ADAMTS12: variants seen among roughly 807,000 people sequenced by gnomAD.
ADAMTS12 encodes the protein ADAM metallopeptidase with thrombospondin type 1 motif 12, also known as A disintegrin and metalloproteinase with thrombospondin motifs 12.
In ADAMTS12, 118 loss-of-function variants were observed where a neutral mutation model predicts 167.8. The observed-to-expected ratio is 0.70, with a 90% confidence interval of 0.61 to 0.82. The LOEUF (loss-of-function observed/expected upper bound fraction) is 0.82, where lower values mean the gene tolerates loss of function less well. Ranked by LOEUF, ADAMTS12 falls within the 40% of genes least tolerant of loss-of-function variation. ADAMTS12 has a pLI of 0.00. For synonymous variants in ADAMTS12, 704 were observed against 716.9 expected (o/e 0.98, Z 0.29); for missense variants, 1,916 against 1,998.8 (o/e 0.96, Z 0.79).
intron 18 of ADAMTS12, among the ~76,000 whole-genome samples, chr5:33,580,431 C>G (rs947596439): frequency 7.0e-6 from 1 of 142,224 alleles, no homozygotes; most frequent in Non-Finnish European, 1.6e-5. Flanking sequence ...CACGGGGGAA[C>G]AGCTCCCATG....
intron 3 of ADAMTS12, among the ~76,000 whole-genome samples, chr5:33,710,027 C>T (rs1728205862): frequency 6.6e-6 from 1 of 152,092 alleles, no homozygotes. Context: ...TTAAACTCTT[C>T]GAAGCCAATT....
At chr5:33,588,901 C>T in intron 17 of ADAMTS12, 92 bp from the exon 18 acceptor site, 1 of 1,497,302 alleles carries the variant, frequency 6.7e-7, no homozygotes, top group South Asian at 1.2e-5. Flanking sequence ...AAATGCAGAT[C>T]ACAGGGCTGG....
At position 33,881,483 on chromosome 5, in the gene ADAMTS12, G is replaced by T; in HGVS notation, c.128-3C>A. 1.9e-6 allele frequency: 3 copies of T among 1,608,366 alleles called. No homozygotes were observed. In the South Asian group the frequency reaches 3.3e-5, roughly 18 times the overall value. ...TGGCAGGCCCTTGATAAAATGCTCT[G>T]AAAGAAAAGGAGAAATGGAAGAACA... On this transcript the variant is annotated splice_region_variant and splice_polypyrimidine_tract_variant and intron_variant, in intron 1 of 23. Coordinates refer to ENST00000504830, the MANE Select transcript of ADAMTS12 (RefSeq NM_030955.4).
intron 15 of ADAMTS12, among the ~76,000 whole-genome samples, chr5:33,615,076 T>C (rs2112095281): frequency 6.6e-6 from 1 of 152,332 alleles, no homozygotes; most frequent in South Asian, 2.1e-4. Context: ...ACTTATCACA[T>C]GTTTAAAATT....
At chr5:33,586,559 T>C (rs1193220794) in intron 18 of ADAMTS12, among the ~76,000 whole-genome samples, 2 of 152,218 alleles carry the variant, frequency 1.3e-5, no homozygotes, top group Non-Finnish European at 2.9e-5. Context: ...GTTACTACGC[T>C]TCCCATAAAC....
chr5:33,805,918 T>A (rs1258084489), intron 2 of ADAMTS12, among the ~76,000 whole-genome samples: 1 of 122,602 alleles, frequency 8.2e-6, no homozygotes, highest in Admixed American at 8.0e-5. Flanking sequence ...AAAAGCCACC[T>A]CTCATTTAAA....
At chr5:33,622,061 A>G (rs1169511755) in intron 14 of ADAMTS12, among the ~76,000 whole-genome samples, 6 of 152,214 alleles carry the variant, frequency 3.9e-5, no homozygotes, top group African/African-American at 1.4e-4. Flanking sequence ...AATGGAAAAC[A>G]CAAAGGCACA....
intron 22 of ADAMTS12, among the ~76,000 whole-genome samples, chr5:33,538,727 C>T (rs1304332257): frequency 2.6e-5 from 4 of 152,144 alleles, no homozygotes; most frequent in African/African-American, 7.2e-5. Flanking sequence ...TGACACCAAG[C>T]GATGGTCAGT....
intron 2 of ADAMTS12, among the ~76,000 whole-genome samples, chr5:33,756,504 GC>G (rs1185183717): frequency 1.3e-5 from 2 of 152,116 alleles, no homozygotes; most frequent in African/African-American, 4.8e-5. Context: ...GTAATACACA[GC>G]CAAAATAATA....
chr5:33,572,536 C>A (rs1579685169), intron 19 of ADAMTS12, among the ~76,000 whole-genome samples: 1 of 146,108 alleles, frequency 6.8e-6, no homozygotes, highest in East Asian at 2.0e-4. Context: ...AGGCCTTTGA[C>A]AAAATTCAAC....
At chr5:33,785,760 C>T (rs1284674837) in intron 2 of ADAMTS12, among the ~76,000 whole-genome samples, 1 of 152,174 alleles carries the variant, frequency 6.6e-6, no homozygotes, top group Non-Finnish European at 1.5e-5. Context: ...AGTTGGGCAG[C>T]TTCTCAAAAG....
chr5:33,835,953 CTGTGTG>C lies in ADAMTS12; in HGVS notation c.489+45160_489+45165del, dbSNP rs146410588. Among the ~76,000 whole-genome samples, 288 of 89,052 alleles carry C rather than the reference CTGTGTG, an allele frequency of 3.2e-3. 1 individual carries two copies. The highest frequency in any genetic ancestry group is 0.016 in the African/African-American group (241 of 15,200). 58.4% of individuals were successfully genotyped at this position (89,052 alleles called of 152,430 possible). ...TCTCTCTCTCTCTCTCTCTCTCTCT[CTGTGTG>C]TGTGTGTGTGTCCATCTGGGCAGTT... On this transcript the variant is annotated intron_variant, in intron 2 of 23. Transcript: ENST00000504830.
intron 7 of ADAMTS12, among the ~76,000 whole-genome samples, chr5:33,653,431 A>C (rs1230179242): frequency 6.6e-6 from 1 of 151,776 alleles, no homozygotes; most frequent in Non-Finnish European, 1.5e-5. Flanking sequence ...TATTTTGTTA[A>C]TTTTTTTACA....
At chr5:33,561,924 T>C (rs1172781085) in intron 19 of ADAMTS12, among the ~76,000 whole-genome samples, 1 of 152,234 alleles carries the variant, frequency 6.6e-6, no homozygotes, top group Non-Finnish European at 1.5e-5. Flanking sequence ...TGAATGATAC[T>C]ATCTCACCTA....
At chr5:33,530,841 C>A (rs556270794) in intron 23 of ADAMTS12, among the ~76,000 whole-genome samples, 6 of 152,182 alleles carry the variant, frequency 3.9e-5, no homozygotes, top group Non-Finnish European at 8.8e-5. Context: ...GGAGGCCCCC[C>A]AAAGGTTGTG....
intron 2 of ADAMTS12, among the ~76,000 whole-genome samples, chr5:33,772,476 A>T (rs915344353): frequency 1.3e-5 from 2 of 152,218 alleles, no homozygotes; most frequent in African/African-American, 4.8e-5. Context: ...GCTCCTCCCA[A>T]GGTGCTGTAT....
chr5:33,823,767 T>C (rs116572024), intron 2 of ADAMTS12, among the ~76,000 whole-genome samples: 2 of 152,154 alleles, frequency 1.3e-5, no homozygotes, highest in Admixed American at 1.3e-4. Context: ...ATATGTTGTA[T>C]GTCTTCGTTA....
rs571686336 is a variant in ADAMTS12 at position 33,588,938 on chromosome 5, C to T, written c.2655-129G>A. The T allele has an allele frequency of 5.0e-3, 5,600 of 1,122,654 alleles. 29 individuals carry two copies. The highest frequency in any genetic ancestry group is 6.4e-3 in the Non-Finnish European group (5,020 of 785,674). 69.5% of individuals were successfully genotyped at this position (1,122,654 alleles called of 1,614,324 possible). A position where few individuals can be genotyped will look rare whatever the true frequency, so the allele number is the denominator to read the frequency against. ...AGGGCCATGGAGACACTCCAACCCA[C>T]TAGGGGGCGTGCTGCAGACAGGGCC... On this transcript the variant is annotated intron_variant, in intron 17 of 23. Coordinates refer to ENST00000504830, the MANE Select transcript of ADAMTS12 (RefSeq NM_030955.4).
In ADAMTS12 at chr5:33,865,714, TAAAGACTCCTTCA is replaced by T. The variant is rs550138076; in HGVS notation, c.489+15392_489+15404del. Among the ~76,000 whole-genome samples the T allele has an allele frequency of 1.5e-3, 223 of 152,234 alleles. 2 individuals carry two copies. Among genetic ancestry groups the T allele is most frequent in the African/African-American group, 5.2e-3 (214 of 41,552 alleles). ...ATATGACTGTATAACTAGAAAACCC[TAAAGACTCCTTCA>T]AAAGACTCCTAGATTTGATAAACAA... On this transcript the variant is annotated intron_variant, in intron 2 of 23. Coordinates refer to ENST00000504830, the MANE Select transcript of ADAMTS12 (RefSeq NM_030955.4).
Sources: allele counts gnomAD v4.1 joint callset (sites outside exome capture counted in the v4.1 genomes callset), GRCh38; gene constraint gnomAD v4.1.1; transcripts MANE v1.5; gene names NCBI Gene and HGNC (gene_info 2026-07-23, HGNC 2026-07-21).